Variants in SNX3 observed in about 807,000 individuals in gnomAD.
The protein encoded by SNX3 is sorting nexin 3, also known as sorting nexin-3.
SNX3 carries 5 observed loss-of-function variants against 17.7 expected under a neutral mutation model. That is an observed-to-expected ratio of 0.28 (90% CI 0.15 to 0.59). The LOEUF is 0.59. Ranked by LOEUF, SNX3 falls within the 20% of genes least tolerant of loss-of-function variation. SNX3 has a pLI of 0.88. For missense variants in SNX3, 132 were observed against 206.8 expected (o/e 0.64, Z 2.22); for synonymous variants, 91 against 76.5 (o/e 1.19, Z -0.99).
intron 1 of SNX3, among the ~76,000 whole-genome samples, chr6:108,258,824 A>G (rs1029721013): frequency 2.0e-5 from 3 of 152,064 alleles, no homozygotes; most frequent in African/African-American, 7.2e-5. Context: ...ACCATTTTTA[A>G]GTGTCACATC....
At chr6:108,214,368 C>T in intron 3 of SNX3, 130 bp downstream of exon 3, 4 of 805,838 alleles carry the variant, frequency 5.0e-6, no homozygotes, top group Non-Finnish European at 7.7e-6. Context: ...GATACTTTTA[C>T]TTTGTTTAAA....
At chr6:108,215,850 T>C (rs1459770324) in intron 2 of SNX3, among the ~76,000 whole-genome samples, 2 of 152,076 alleles carry the variant, frequency 1.3e-5, no homozygotes, top group East Asian at 3.9e-4. Context: ...GATGATCACT[T>C]GAGTCCAGGA....
Position 108,260,792 on chromosome 6 carries a change from C to G in SNX3, c.130G>C (p.Gly44Arg), listed in dbSNP as rs372637793. 6.2e-7 allele frequency: 1 copy of G among 1,613,770 alleles called. No homozygotes were observed. Among genetic ancestry groups the G allele is most frequent in the South Asian group, 1.1e-5 (1 of 91,086 alleles). The change falls in exon 1 of 4, where the codon GGC (glycine) becomes CGC (arginine). Residue 44 changes from glycine (G) to arginine (R), a missense_variant. This residue lies in a region of SNX3 where 78 missense variants were observed against 88.8 expected (regional missense o/e 0.88). Coordinates refer to ENST00000230085, the MANE Select transcript of SNX3 (RefSeq NM_003795.6). ...CTGATTTCGTAAGTGGTGAAGCGGC[C>G]CCGGCCGACCCCCACCGTTTGCGGG... ...SNPQTVGVGR[G>R]RFTTYEIRVK...
chr6:108,213,879 C>T (rs908784664), intron 3 of SNX3, among the ~76,000 whole-genome samples: 1 of 152,128 alleles, frequency 6.6e-6, no homozygotes, highest in African/African-American at 2.4e-5. Flanking sequence ...AAGGCCAATG[C>T]ACAATTACAG....
At chr6:108,242,722 C>T (rs1450330083) in intron 1 of SNX3, among the ~76,000 whole-genome samples, 1 of 152,158 alleles carries the variant, frequency 6.6e-6, no homozygotes, top group African/African-American at 2.4e-5. Flanking sequence ...ATGTTAAACT[C>T]CCTAATCAGT....
chr6:108,240,124 A>G (rs1775471358), intron 1 of SNX3, among the ~76,000 whole-genome samples: 1 of 152,230 alleles, frequency 6.6e-6, no homozygotes, highest in East Asian at 1.9e-4. Flanking sequence ...AGAACTCAGG[A>G]AAGTGGGCAC....
chr6:108,233,606 G>A lies in SNX3; in HGVS notation c.163-10561C>T, dbSNP rs191813921. ...TCTACTAAAAATACAAAAATTAGCCGGGCATGGTGGCACACGCCTGTAATC... is the reference window on the plus strand; with the variant it reads ...TCTACTAAAAATACAAAAATTAGCCAGGCATGGTGGCACACGCCTGTAATC... On this transcript the variant is annotated intron_variant, in intron 1 of 3. Coordinates refer to ENST00000230085, the MANE Select transcript of SNX3 (RefSeq NM_003795.6). 4.2e-3 allele frequency among the ~76,000 whole-genome samples: 636 copies of A among 152,170 alleles called. 4 individuals are homozygous for A. Among genetic ancestry groups the A allele is most frequent in the African/African-American group, 0.015 (614 of 41,520 alleles).
chr6:108,259,813 T>C (rs1776135788), intron 1 of SNX3, among the ~76,000 whole-genome samples: 1 of 152,246 alleles, frequency 6.6e-6, no homozygotes, highest in South Asian at 2.1e-4. Flanking sequence ...TAGTAGCTTG[T>C]CATATAAATT....
chr6:108,260,047 A>G (rs761000116), intron 1 of SNX3, among the ~76,000 whole-genome samples: 11 of 152,116 alleles, frequency 7.2e-5, no homozygotes, highest in Non-Finnish European at 1.3e-4. Context: ...ATTTCTGTTG[A>G]TTTCTTTATT....
chr6:108,249,928 T>C (rs1775798857), intron 1 of SNX3, among the ~76,000 whole-genome samples: 1 of 152,212 alleles, frequency 6.6e-6, no homozygotes, highest in African/African-American at 2.4e-5. Context: ...TTTTAGGGTT[T>C]GAGACAGGGT....
chr6:108,254,427 C>T (rs557451781), intron 1 of SNX3, among the ~76,000 whole-genome samples: 12 of 152,232 alleles, frequency 7.9e-5, no homozygotes, highest in Admixed American at 2.0e-4. Flanking sequence ...ATTGCACCAC[C>T]GTGCACTCTA....
chr6:108,211,336 TTTG>T lies in SNX3; in HGVS notation c.*810_*812del, dbSNP rs1405782057. The T allele has an allele frequency of 1.3e-5, 2 of 152,208 alleles. No homozygotes were observed. The highest frequency in any genetic ancestry group is 1.5e-5 in the Non-Finnish European group (1 of 68,040). 9.4% of individuals were successfully genotyped at this position (152,208 alleles called of 1,614,324 possible). A position where few individuals can be genotyped will look rare whatever the true frequency, so the allele number is the denominator to read the frequency against. The stretch of plus-strand genomic sequence containing the variant: ...GCAATACATTTTTTAGTATATCACT[TTTG>T]TTGTTGTTAAAAATACCCCATTCAA... On this transcript the variant is annotated 3_prime_UTR_variant, in exon 4 of 4. Coordinates refer to ENST00000230085, the MANE Select transcript of SNX3 (RefSeq NM_003795.6).
At chr6:108,249,756 G>A (rs1775793558) in intron 1 of SNX3, among the ~76,000 whole-genome samples, 3 of 152,150 alleles carry the variant, frequency 2.0e-5, no homozygotes, top group African/African-American at 7.2e-5. Context: ...GCCTCTAGGA[G>A]GAAAGAATGG....
chr6:108,242,598 G>C (rs1156943007), intron 1 of SNX3, among the ~76,000 whole-genome samples: 1 of 152,128 alleles, frequency 6.6e-6, no homozygotes, highest in Non-Finnish European at 1.5e-5. Flanking sequence ...GCCTAAAATT[G>C]CCACCCCTTG....
At chr6:108,246,054 A>C (rs2114755047) in intron 1 of SNX3, among the ~76,000 whole-genome samples, 1 of 152,178 alleles carries the variant, frequency 6.6e-6, no homozygotes, top group South Asian at 2.1e-4. Context: ...GTTTTCTTCT[A>C]GGGTTTTTAT....
At chr6:108,249,263 T>G (rs75818334) in intron 1 of SNX3, among the ~76,000 whole-genome samples, 3,452 of 151,766 alleles carry the variant, frequency 0.023, 153 homozygotes, top group African/African-American at 0.08. Flanking sequence ...ATTAATTAAT[T>G]ATACAAAAAT....
chr6:108,218,519 T>C, intron 2 of SNX3, among the ~76,000 whole-genome samples: 1 of 152,178 alleles, frequency 6.6e-6, no homozygotes, highest in East Asian at 1.9e-4. Flanking sequence ...TACTGGTAGG[T>C]ATATACTGAA....
chr6:108,260,210 T>G (rs1776147268), intron 1 of SNX3, among the ~76,000 whole-genome samples: 1 of 152,182 alleles, frequency 6.6e-6, no homozygotes, highest in African/African-American at 2.4e-5. Context: ...CCAATCACCC[T>G]TCTGGTCTGG....
At chr6:108,222,191 A>T in intron 2 of SNX3, 3 of 1,300,030 alleles carry the variant, frequency 2.3e-6, no homozygotes, top group Non-Finnish European at 3.0e-6. Context: ...ACTAGCCTTC[A>T]TCTAGTTCAG....
Sources: gnomAD v4.1 joint callset for allele counts (sites outside exome capture counted in the v4.1 genomes callset) on GRCh38, gnomAD v4.1.1 for gene constraint, gnomAD v4.1.1 regional missense constraint, MANE v1.5 for transcripts, NCBI Gene and HGNC (gene_info 2026-07-23, HGNC 2026-07-21) for gene names.